The following NR6A1 variants were observed in gnomAD, a reference collection of about 807,000 sequenced individuals.
NR6A1 encodes the protein retinoic acid receptor-related testis-associated receptor.
A neutral mutation model predicts 59.1 loss-of-function variants in NR6A1; 7 were observed. That is an observed-to-expected ratio of 0.12 (90% confidence interval 0.07 to 0.22). NR6A1 has a LOEUF of 0.22. NR6A1 is among the 10% of genes least tolerant of loss of function. The pLI, the probability that NR6A1 is intolerant of heterozygous loss-of-function variation, is 1.00. For missense variants in NR6A1, 468 were observed against 611.6 expected, an observed-to-expected ratio of 0.77 and a Z score of 2.48; for synonymous variants, 243 against 236.1, an observed-to-expected ratio of 1.03 and a Z score of -0.27.
At chr9:124,546,384 A>C (rs1169952146) in intron 3 of NR6A1, among the ~76,000 whole-genome samples, 1 of 152,242 alleles carries the variant, frequency 6.6e-6, no homozygotes, top group African/African-American at 2.4e-5. Flanking sequence ...CTATGTATGC[A>C]TCCTAGTGGA....
At chr9:124,750,929 C>T (rs1840482277) in intron 1 of NR6A1, among the ~76,000 whole-genome samples, 1 of 152,122 alleles carries the variant, frequency 6.6e-6, no homozygotes, top group Non-Finnish European at 1.5e-5. Flanking sequence ...AAATACTAGA[C>T]TCCTTAAGGT....
chr9:124,752,373 A>T (rs2131176083), intron 1 of NR6A1, among the ~76,000 whole-genome samples: 1 of 152,336 alleles, frequency 6.6e-6, no homozygotes. Context: ...CAATTTTTTT[A>T]AAAGGATAAA....
Position 124,733,313 on chromosome 9 carries a change from C to T in NR6A1, c.137G>A (p.Gly46Asp). ...CQDELAELDPGTISVSDDRAE... is the reference protein window; with the variant it reads ...CQDELAELDPDTISVSDDRAE... ...GGGTAACATTGAGAACTTACTAGTG[C>T]CTGGGTCAAGCTCTGCCAATTCATC... is the stretch of plus-strand genomic sequence containing the variant. The change falls in exon 2 of 10, where the codon GGC (glycine) becomes GAC (aspartate). Residue 46 changes from glycine to aspartate, a missense_variant. Physicochemically the swap from Gly to Asp is moderately conservative, Grantham distance 94. Around this residue, in one of 4 missense-constraint regions of NR6A1, gnomAD observed 75 missense variants for 65.6 expected, o/e 1.14. Transcript: ENST00000487099. 6.2e-7 allele frequency: 1 copy of T among 1,612,226 alleles called. No individual in the cohort carries two copies. The highest frequency in any genetic ancestry group is 1.1e-5 in the South Asian group (1 of 91,056).
chr9:124,727,517 A>G (rs1291693184), intron 2 of NR6A1, among the ~76,000 whole-genome samples: 22 of 152,210 alleles, frequency 1.4e-4, no homozygotes, highest in Non-Finnish European at 2.9e-4. Context: ...TTACGTTAAC[A>G]TTGTATTTGG....
chr9:124,770,969 C>T, intron 1 of NR6A1, 51 bp downstream of exon 1: 1 of 1,036,358 alleles, frequency 9.6e-7, no homozygotes, highest in South Asian at 4.9e-5. Context: ...CTGGCGGAGG[C>T]TCAGGAAGCC....
At chr9:124,563,361 T>G (rs1834133513) in intron 2 of NR6A1, among the ~76,000 whole-genome samples, 1 of 152,234 alleles carries the variant, frequency 6.6e-6, no homozygotes, top group Non-Finnish European at 1.5e-5. Context: ...ACAATGTATG[T>G]AGAACTGTAA....
At chr9:124,559,643 G>A (rs1452108345) in intron 2 of NR6A1, among the ~76,000 whole-genome samples, 3 of 152,134 alleles carry the variant, frequency 2.0e-5, no homozygotes, top group African/African-American at 7.2e-5. Flanking sequence ...CGGGCATGGT[G>A]GCACATGCCT....
At chr9:124,654,413 G>C (rs1271350213) in intron 2 of NR6A1, among the ~76,000 whole-genome samples, 1 of 152,118 alleles carries the variant, frequency 6.6e-6, no homozygotes, top group Non-Finnish European at 1.5e-5. Context: ...GGTCCTATGT[G>C]ATAGGGCCCC....
intron 2 of NR6A1, among the ~76,000 whole-genome samples, chr9:124,729,341 T>C (rs1839818929): frequency 1.3e-5 from 2 of 152,246 alleles, no homozygotes; most frequent in South Asian, 4.1e-4. Flanking sequence ...ATTATATTTT[T>C]ATATTTGTAA....
intron 2 of NR6A1, among the ~76,000 whole-genome samples, chr9:124,694,347 ATT>A (rs1160155568): frequency 6.6e-6 from 1 of 152,024 alleles, no homozygotes; most frequent in Non-Finnish European, 1.5e-5. Context: ...TCTATAATCT[ATT>A]TTGTTATTCA....
rs1439335385 is a variant in NR6A1, at chr9:124,632,230, T to C, written c.143-77660A>G. 2.0e-5 allele frequency among the ~76,000 whole-genome samples: 3 copies of C among 152,204 alleles called. No homozygotes were observed. In the East Asian group the frequency reaches 5.8e-4, roughly 29 times the overall value. On this transcript the variant is annotated intron_variant, in intron 2 of 9. Coordinates refer to ENST00000487099, the MANE Select transcript of NR6A1 (RefSeq NM_033334.4). ...GAATGGTGTTACTGTATCTAGGTCT[T>C]TGAGGAATTGCCACACTCTTCCACA...
chr9:124,723,283 T>C (rs1839615856), intron 2 of NR6A1, among the ~76,000 whole-genome samples: 1 of 152,156 alleles, frequency 6.6e-6, no homozygotes, highest in Non-Finnish European at 1.5e-5. Context: ...AATTCGAGTA[T>C]CTGTTTTAAA....
intron 2 of NR6A1, among the ~76,000 whole-genome samples, chr9:124,705,213 GTGC>G (rs1012683860): frequency 6.6e-6 from 1 of 152,092 alleles, no homozygotes; most frequent in African/African-American, 2.4e-5. Flanking sequence ...TTCACTGATA[GTGC>G]TGATGAAGTC....
chr9:124,572,162 G>T (rs1196385676), intron 2 of NR6A1, among the ~76,000 whole-genome samples: 1 of 152,160 alleles, frequency 6.6e-6, no homozygotes, highest in East Asian at 1.9e-4. Context: ...GCAGAGCTGG[G>T]ACTACTGCCT....
intron 2 of NR6A1, among the ~76,000 whole-genome samples, chr9:124,652,537 GACA>G (rs1352163520): frequency 6.6e-6 from 1 of 152,124 alleles, no homozygotes; most frequent in African/African-American, 2.4e-5. Context: ...GCTCATAGCA[GACA>G]ACAACGGGAA....
At chr9:124,623,928 G>A (rs1305224712) in intron 2 of NR6A1, among the ~76,000 whole-genome samples, 1 of 152,002 alleles carries the variant, frequency 6.6e-6, no homozygotes, top group Admixed American at 6.5e-5. Context: ...CCCTTACTTT[G>A]TGCCTGGCAC....
intron 2 of NR6A1, among the ~76,000 whole-genome samples, chr9:124,728,487 T>C (rs1024653340): frequency 6.6e-5 from 10 of 151,628 alleles, no homozygotes; most frequent in Non-Finnish European, 1.0e-4. Context: ...ACAGAAAAAT[T>C]AGCTGGGCGC....
intron 2 of NR6A1, among the ~76,000 whole-genome samples, chr9:124,556,448 C>T (rs1833928505): frequency 6.6e-6 from 1 of 151,630 alleles, no homozygotes. Flanking sequence ...TCATTTCAGC[C>T]CAGGGATACT....
rs180691871 is a variant in NR6A1 at position 124,687,436 on chromosome 9, A to T, written c.142+45872T>A. Among the ~76,000 whole-genome samples the T allele has an allele frequency of 1.5e-3, 226 of 152,150 alleles. 1 individual carries two copies. The highest frequency in any genetic ancestry group is 5.3e-3 in the African/African-American group (219 of 41,506). On this transcript the variant is annotated intron_variant, in intron 2 of 9. Coordinates refer to ENST00000487099, the MANE Select transcript of NR6A1 (RefSeq NM_033334.4). ...ATTATACATCAGCCACCATGCCCCCAACATCCCAAACAGCTAAAGTAACCT... is the reference window on the plus strand; with the variant it reads ...ATTATACATCAGCCACCATGCCCCCTACATCCCAAACAGCTAAAGTAACCT...
Sources: allele counts gnomAD v4.1 joint callset (sites outside exome capture counted in the v4.1 genomes callset), GRCh38; gene constraint gnomAD v4.1.1; regional missense constraint gnomAD v4.1.1; transcripts MANE v1.5; gene names NCBI Gene and HGNC (gene_info 2026-07-23, HGNC 2026-07-21).